The following TEC variants were observed in gnomAD, a reference collection of about 807,000 sequenced individuals.
The protein encoded by TEC is tec protein tyrosine kinase.
Under a neutral mutation model 93.0 loss-of-function variants are expected in TEC, and 72 were observed. The ratio of observed to expected loss-of-function variants is 0.77; its 90% CI spans 0.64 to 0.94. The LOEUF (loss-of-function observed/expected upper bound fraction) is 0.94. TEC is among the 40% of genes least tolerant of loss of function. The probability of loss-of-function intolerance (pLI) is 0.00; values close to 1 mark genes in which losing one functional copy is unlikely to be tolerated. For synonymous variants in TEC, 249 were observed against 247.7 expected, an observed-to-expected ratio of 1.01 and a Z score of -0.05; for missense variants, 630 against 757.9, an observed-to-expected ratio of 0.83 and a Z score of 1.98.
chr4:48,233,340 CTTTTTTTT>C (rs34862159), intron 1 of TEC, among the ~76,000 whole-genome samples: 1 of 138,360 alleles, frequency 7.2e-6, no homozygotes, highest in Non-Finnish European at 1.6e-5. Context: ...CCAATTGACA[CTTTTTTTT>C]TTTTTTTTTT....
chr4:48,181,763 G>C (rs1319970134), intron 2 of TEC, among the ~76,000 whole-genome samples: 1 of 152,036 alleles, frequency 6.6e-6, no homozygotes, highest in African/African-American at 2.4e-5. Context: ...AGTGAGGCAT[G>C]CTATCCCATG....
intron 8 of TEC, among the ~76,000 whole-genome samples, chr4:48,158,207 A>T (rs768586800): frequency 6.6e-6 from 1 of 152,240 alleles, no homozygotes; most frequent in Non-Finnish European, 1.5e-5. Context: ...AGGGAAAAAC[A>T]CAAAGAACAA....
intron 1 of TEC, among the ~76,000 whole-genome samples, chr4:48,236,484 G>A (rs1723788668): frequency 1.3e-5 from 2 of 152,180 alleles, no homozygotes; most frequent in Non-Finnish European, 2.9e-5. Context: ...GGGTTTCACC[G>A]TGTTAGCCAG....
intron 1 of TEC, among the ~76,000 whole-genome samples, chr4:48,253,578 T>TC (rs1024500351): frequency 1.3e-5 from 2 of 150,716 alleles, no homozygotes; most frequent in African/African-American, 4.9e-5. Flanking sequence ...AATTCTTTTT[T>TC]TTTTTTTTTT....
At chr4:48,235,092 T>G (rs1042780954) in intron 1 of TEC, among the ~76,000 whole-genome samples, 9 of 152,278 alleles carry the variant, frequency 5.9e-5, no homozygotes, top group Admixed American at 1.3e-4. Context: ...AAAAGCTGAT[T>G]AGTAACATCA....
intron 2 of TEC, among the ~76,000 whole-genome samples, chr4:48,224,107 G>A (rs1475657460): frequency 1.3e-5 from 2 of 152,136 alleles, no homozygotes; most frequent in Non-Finnish European, 2.9e-5. Flanking sequence ...AGTCCTGTGA[G>A]CTGTCATAGT....
At chr4:48,242,777 G>A (rs1030974796) in intron 1 of TEC, among the ~76,000 whole-genome samples, 1 of 152,112 alleles carries the variant, frequency 6.6e-6, no homozygotes, top group Non-Finnish European at 1.5e-5. Context: ...TCATGCTCTT[G>A]TCTCTTTAAT....
At chr4:48,166,188 A>G (rs1383602098) in intron 7 of TEC, among the ~76,000 whole-genome samples, 1 of 152,166 alleles carries the variant, frequency 6.6e-6, no homozygotes, top group Non-Finnish European at 1.5e-5. Context: ...AGGTTGGAAG[A>G]TCCATATGGT....
At chr4:48,161,066 T>C (rs1013417527) in intron 8 of TEC, among the ~76,000 whole-genome samples, 6 of 152,248 alleles carry the variant, frequency 3.9e-5, no homozygotes, top group African/African-American at 4.8e-5. Context: ...ATTAGCTAGT[T>C]ACCCCAAAAT....
chr4:48,214,285 G>A (rs1380335836), intron 2 of TEC, among the ~76,000 whole-genome samples: 2 of 152,142 alleles, frequency 1.3e-5, no homozygotes, highest in Non-Finnish European at 2.9e-5. Flanking sequence ...AAAGGGCAAG[G>A]CATGTATAAC....
chr4:48,193,777 G>GTTTTTT (rs113925714), intron 2 of TEC, among the ~76,000 whole-genome samples: 1 of 147,430 alleles, frequency 6.8e-6, no homozygotes, highest in African/African-American at 2.5e-5. Flanking sequence ...ATGTGTTAGG[G>GTTTTTT]TTTTTTTTTT....
intron 2 of TEC, among the ~76,000 whole-genome samples, chr4:48,186,644 A>C (rs1385210150): frequency 6.8e-6 from 1 of 147,440 alleles, no homozygotes; most frequent in Non-Finnish European, 1.5e-5. Context: ...GGAAGTGAGG[A>C]GCCCCTGCGC....
At position 48,141,464 on chromosome 4, in the gene TEC, C is replaced by A. The variant is rs1433940889; in HGVS notation, c.1471-45G>T. ...TGGTATATTAGTTTAAAAATTCTAT[C>A]ATTTAAGTAGGAAAATGTAAGTTCT... is the stretch of plus-strand genomic sequence containing the variant. On this transcript the variant is annotated intron_variant, in intron 14 of 17. Transcript: ENST00000381501. The A allele has an allele frequency of 1.9e-6, 3 of 1,564,710 alleles. No individual in the cohort carries two copies. In the South Asian group the frequency reaches 3.4e-5, roughly 18 times the overall value.
rs1724369589 is a variant in TEC at position 48,257,335 on chromosome 4, T to A, written c.-46+12417A>T. 4.6e-5 allele frequency among the ~76,000 whole-genome samples: 7 copies of A among 152,256 alleles called. 1 individual carries two copies. In the South Asian group the frequency reaches 1.4e-3, roughly 31 times the overall value. ...GCTGCTTTGAAGACATCTTAAGGTC[T>A]ATATAGTTAAGGGGCTTGGGGTGAT... is the stretch of plus-strand genomic sequence containing the variant. On this transcript the variant is annotated intron_variant, in intron 1 of 17. Transcript: ENST00000381501.
chr4:48,264,641 ATT>A (rs33996960), intron 1 of TEC, among the ~76,000 whole-genome samples: 1 of 145,132 alleles, frequency 6.9e-6, no homozygotes, highest in African/African-American at 2.5e-5. Flanking sequence ...CATCTTCAGC[ATT>A]TTTTTTTTTT....
At chr4:48,140,421 G>A (rs539039404) in intron 15 of TEC, among the ~76,000 whole-genome samples, 1 of 152,144 alleles carries the variant, frequency 6.6e-6, no homozygotes, top group African/African-American at 2.4e-5. Context: ...TCACAAAGAG[G>A]TCATCCTGAA....
At chr4:48,253,388 G>A (rs564403581) in intron 1 of TEC, among the ~76,000 whole-genome samples, 1 of 151,988 alleles carries the variant, frequency 6.6e-6, no homozygotes, top group African/African-American at 2.4e-5. Context: ...GTCTTATTAT[G>A]AGCTTTCTTT....
At position 48,138,880 on chromosome 4, in the gene TEC, GACATGAGGAA is replaced by G. The variant is rs1719543929; in HGVS notation, c.1654+14_1654+23del. On this transcript the variant is annotated intron_variant, in intron 16 of 17. Transcript: ENST00000381501. ...ATCCACTTTCTCCTCAGGGCGGACG[GACATGAGGAA>G]ACATGGATCTTACCAAATGACCAGA... 6.2e-7 allele frequency: 1 copy of G among 1,613,806 alleles called. No individual in the cohort carries two copies.
intron 2 of TEC, among the ~76,000 whole-genome samples, chr4:48,208,072 T>C (rs1722776027): frequency 6.6e-6 from 1 of 152,128 alleles, no homozygotes; most frequent in South Asian, 2.1e-4. Context: ...GGCTCAGAAC[T>C]TGGCTTCCCA....
Sources: gnomAD v4.1 joint callset for allele counts (sites outside exome capture counted in the v4.1 genomes callset) on GRCh38, gnomAD v4.1.1 for gene constraint, MANE v1.5 for transcripts, NCBI Gene and HGNC (gene_info 2026-07-23, HGNC 2026-07-21) for gene names.